The following SPAG16 variants were observed in gnomAD, a reference collection of about 807,000 sequenced individuals.
The protein encoded by SPAG16 is sperm-associated antigen 16 protein.
In SPAG16, 86 loss-of-function variants were observed where a neutral mutation model predicts 80.4. The observed-to-expected ratio is 1.07, with a 90% CI of 0.90 to 1.28. The LOEUF is 1.28. Among genes scored for constraint, SPAG16 ranks in the 50% most tolerant of loss-of-function variants. The pLI, the probability that SPAG16 is intolerant of heterozygous loss-of-function variation, is 0.00. For synonymous variants in SPAG16, 294 were observed against 265.9 expected (o/e 1.11, Z -1.03); for missense variants, 870 against 765.3 (o/e 1.14, Z -1.61).
chr2:214,038,193 T>C (rs1282365768), intron 13 of SPAG16, among the ~76,000 whole-genome samples: 1 of 152,210 alleles, frequency 6.6e-6, no homozygotes, highest in East Asian at 1.9e-4. Flanking sequence ...TTTTGGTGTT[T>C]AGGAAAGACT....
chr2:213,782,340 A>G (rs1460425185), intron 10 of SPAG16, among the ~76,000 whole-genome samples: 1 of 152,162 alleles, frequency 6.6e-6, no homozygotes, highest in Non-Finnish European at 1.5e-5. Flanking sequence ...GGAAACAGGG[A>G]AATCTCAAAA....
chr2:213,697,366 G>A (rs1195315554), intron 10 of SPAG16, among the ~76,000 whole-genome samples: 1 of 152,126 alleles, frequency 6.6e-6, no homozygotes, highest in Admixed American at 6.5e-5. Context: ...TGTATTTAGA[G>A]TGAGACAAAA....
chr2:213,292,131 T>A (rs1026005788), intron 1 of SPAG16, among the ~76,000 whole-genome samples: 2 of 152,240 alleles, frequency 1.3e-5, no homozygotes, highest in African/African-American at 4.8e-5. Flanking sequence ...TATAATCTTA[T>A]CAGCGGTTGG....
At chr2:213,640,563 C>A (rs2062547746) in intron 10 of SPAG16, among the ~76,000 whole-genome samples, 1 of 152,138 alleles carries the variant, frequency 6.6e-6, no homozygotes, top group South Asian at 2.1e-4. Context: ...TGGTCTGATA[C>A]TGGGGAGTGT....
intron 9 of SPAG16, among the ~76,000 whole-genome samples, chr2:213,407,875 G>GC (rs2068734683): frequency 3.6e-5 from 3 of 83,264 alleles, no homozygotes; most frequent in East Asian, 3.3e-4. Flanking sequence ...CAGGAGAGAG[G>GC]AGAGAGGCAG....
intron 10 of SPAG16, among the ~76,000 whole-genome samples, chr2:213,737,519 G>A (rs1446642777): frequency 3.0e-5 from 4 of 132,402 alleles, no homozygotes; most frequent in Non-Finnish European, 4.6e-5. Context: ...ACGGAGTCTC[G>A]CTCTGTCGCC....
At chr2:214,166,944 G>T (rs1275093419) in intron 15 of SPAG16, among the ~76,000 whole-genome samples, 1 of 152,074 alleles carries the variant, frequency 6.6e-6, no homozygotes, top group Non-Finnish European at 1.5e-5. Flanking sequence ...TGGCCATATT[G>T]GTCTTAAGGA....
At chr2:213,313,389 A>G (rs1334065245) in intron 4 of SPAG16, among the ~76,000 whole-genome samples, 1 of 151,872 alleles carries the variant, frequency 6.6e-6, no homozygotes, top group African/African-American at 2.4e-5. Flanking sequence ...ATTTTTATTG[A>G]TATAGTATAT....
chr2:214,008,254 A>G (rs1037375289), intron 12 of SPAG16, among the ~76,000 whole-genome samples: 1 of 152,074 alleles, frequency 6.6e-6, no homozygotes, highest in Non-Finnish European at 1.5e-5. Flanking sequence ...GAGATTCTCT[A>G]TCTGTGCACC....
intron 12 of SPAG16, among the ~76,000 whole-genome samples, chr2:213,981,016 C>A (rs2372108): frequency 0.51 from 77,228 of 151,710 alleles, 20,290 homozygotes; most frequent in South Asian, 0.77. Context: ...TGAGTGGCTT[C>A]AACAACAGAA....
At chr2:213,671,905 T>C (rs548211334) in intron 10 of SPAG16, among the ~76,000 whole-genome samples, 2 of 152,268 alleles carry the variant, frequency 1.3e-5, no homozygotes, top group South Asian at 4.1e-4. Flanking sequence ...GAATACACAT[T>C]CAAGACTAGA....
intron 1 of SPAG16, among the ~76,000 whole-genome samples, chr2:213,286,088 C>T (rs2062046321): frequency 2.0e-5 from 3 of 152,168 alleles, no homozygotes; most frequent in Admixed American, 2.0e-4. Flanking sequence ...ATCAGGTTTA[C>T]TTAATGTGCA....
chr2:213,952,420 TA>T (rs1460838269), intron 12 of SPAG16, among the ~76,000 whole-genome samples: 2 of 151,934 alleles, frequency 1.3e-5, no homozygotes, highest in African/African-American at 4.8e-5. Context: ...TCTATTAAAA[TA>T]AAAACATATA....
At chr2:214,185,677 G>A (rs1477426389) in intron 15 of SPAG16, among the ~76,000 whole-genome samples, 1 of 152,098 alleles carries the variant, frequency 6.6e-6, no homozygotes, top group Admixed American at 6.6e-5. Flanking sequence ...AGCAAAACTT[G>A]CAGGCCAGAC....
chr2:213,314,805 G>A (rs912759475), intron 4 of SPAG16, among the ~76,000 whole-genome samples: 3 of 151,838 alleles, frequency 2.0e-5, no homozygotes, highest in Admixed American at 6.6e-5. Flanking sequence ...AAAAGCCTAT[G>A]TCTTCTCTTC....
chr2:213,287,147 A>G lies in SPAG16; in HGVS notation c.136+2528A>G, dbSNP rs1183404237. Among the ~76,000 whole-genome samples, 4 of 152,252 alleles carry G rather than the reference A, an allele frequency of 2.6e-5. No homozygotes were observed. In the East Asian group the frequency reaches 7.7e-4, roughly 29 times the overall value. ...GTTATGGAGTATATGAATCCTCTCT[A>G]GAACCCATCATTAGAAAAATACTTG... On this transcript the variant is annotated intron_variant, in intron 1 of 15. Coordinates refer to ENST00000331683, the MANE Select transcript of SPAG16 (RefSeq NM_024532.5).
chr2:213,308,318 C>T (rs1197160311), intron 3 of SPAG16, among the ~76,000 whole-genome samples: 1 of 151,830 alleles, frequency 6.6e-6, no homozygotes, highest in Non-Finnish European at 1.5e-5. Flanking sequence ...GCTGAAATGT[C>T]TTCATTTTTC....
chr2:213,625,358 A>G (rs1055076797), intron 10 of SPAG16, among the ~76,000 whole-genome samples: 1 of 152,226 alleles, frequency 6.6e-6, no homozygotes, highest in East Asian at 1.9e-4. Flanking sequence ...TGGATACCCC[A>G]TTCTCCATGA....
At chr2:213,713,759 T>C (rs563986480) in intron 10 of SPAG16, among the ~76,000 whole-genome samples, 2 of 152,324 alleles carry the variant, frequency 1.3e-5, no homozygotes, top group East Asian at 3.9e-4. Context: ...GTGAGAGTGA[T>C]TAGCTCTCAG....
Sources: allele counts gnomAD v4.1 joint callset (sites outside exome capture counted in the v4.1 genomes callset), GRCh38; gene constraint gnomAD v4.1.1; transcripts MANE v1.5; gene names NCBI Gene and HGNC (gene_info 2026-07-23, HGNC 2026-07-21).